The following SLC18B1 variants were observed in gnomAD, a reference collection of about 807,000 sequenced individuals.
SLC18B1 encodes the protein solute carrier family 18 member B1, also known as MFS-type transporter SLC18B1.
SLC18B1 carries 62 observed loss-of-function variants against 53.9 expected under a neutral mutation model. That is an observed-to-expected ratio of 1.15 (90% CI 0.94 to 1.42). SLC18B1 has a LOEUF of 1.42. Among genes scored for constraint, SLC18B1 ranks in the 40% most tolerant of loss-of-function variants. SLC18B1 has a pLI of 0.00. For missense variants in SLC18B1, 598 were observed against 547.3 expected (o/e 1.09, Z -0.93); for synonymous variants, 217 against 200.9 (o/e 1.08, Z -0.68).
At chr6:132,778,956 C>A (rs1781161216) in intron 7 of SLC18B1, among the ~76,000 whole-genome samples, 1 of 152,136 alleles carries the variant, frequency 6.6e-6, no homozygotes, top group African/African-American at 2.4e-5. Flanking sequence ...GCAATTCAAA[C>A]AAATAGAGGA....
chr6:132,786,687 A>T (rs1322442245), intron 5 of SLC18B1, among the ~76,000 whole-genome samples: 1 of 151,996 alleles, frequency 6.6e-6, no homozygotes, highest in African/African-American at 2.4e-5. Flanking sequence ...AGCTGATTAG[A>T]CTCTGAAGTC....
chr6:132,783,170 T>C (rs989493524), intron 6 of SLC18B1, among the ~76,000 whole-genome samples: 1 of 151,870 alleles, frequency 6.6e-6, no homozygotes, highest in Non-Finnish European at 1.5e-5. Flanking sequence ...TTTTTTTAAA[T>C]ACCAGTTTAT....
At chr6:132,780,486 G>A (rs1196638095) in intron 6 of SLC18B1, among the ~76,000 whole-genome samples, 1 of 151,048 alleles carries the variant, frequency 6.6e-6, no homozygotes, top group African/African-American at 2.4e-5. Context: ...TAAACATCAT[G>A]CAGTGTGGTT....
chr6:132,783,382 G>T (rs1434703242), intron 6 of SLC18B1, among the ~76,000 whole-genome samples: 1 of 152,142 alleles, frequency 6.6e-6, no homozygotes, highest in East Asian at 1.9e-4. Flanking sequence ...TCACCATGTT[G>T]GCAGGCTGGT....
chr6:132,792,225 CA>C lies in SLC18B1; in HGVS notation c.184-1954del, dbSNP rs1432524978. On this transcript the variant is annotated intron_variant, in intron 2 of 13. Coordinates refer to ENST00000275227, the MANE Select transcript of SLC18B1 (RefSeq NM_052831.3). The stretch of plus-strand genomic sequence containing the variant: ...CCTGGGTGACAGAGCAAGACACTGT[CA>C]GAAAGAAAGAAAGAAAGAAAGAAAG... 2.2e-4 allele frequency among the ~76,000 whole-genome samples: 10 copies of C among 44,580 alleles called. 1 individual carries two copies. The highest frequency in any genetic ancestry group is 1.9e-3 in the South Asian group (2 of 1,050). 29.2% of individuals were successfully genotyped at this position (44,580 alleles called of 152,430 possible). A position where few individuals can be genotyped will look rare whatever the true frequency, so the allele number is the denominator to read the frequency against.
chr6:132,777,498 G>T (rs917573995), intron 7 of SLC18B1, among the ~76,000 whole-genome samples: 1 of 152,214 alleles, frequency 6.6e-6, no homozygotes, highest in South Asian at 2.1e-4. Flanking sequence ...CAGATCATGA[G>T]GTCAGGAGAT....
intron 2 of SLC18B1, among the ~76,000 whole-genome samples, chr6:132,792,280 A>AAAGAAAGAAAGGAAGGAAGGAAGG (rs1554223267): frequency 4.5e-4 from 19 of 42,692 alleles, no homozygotes; most frequent in Non-Finnish European, 7.5e-4. Context: ...AGAAAGAAAG[A>AAAGAAAGAAAGGAAGGAAGGAAGG]AAGGAAGAAA....
At position 132,792,295 on chromosome 6, in the gene SLC18B1, G is replaced by A. The variant is rs1242702102; in HGVS notation, c.184-2023C>T. ...AGAAAGAAAGAAAGGAAGAAAGGAA[G>A]GAAGGAAGGAAGGAAGGAAGGAAGG... is the stretch of plus-strand genomic sequence containing the variant. On this transcript the variant is annotated intron_variant, in intron 2 of 13. Transcript: ENST00000275227. 1.7e-3 allele frequency among the ~76,000 whole-genome samples: 131 copies of A among 75,204 alleles called. 9 individuals carry two copies. The highest frequency in any genetic ancestry group is 0.01 in the African/African-American group (122 of 11,874). The allele number at this position is 75,204 out of a possible 152,430, so 49.3% of individuals were successfully genotyped here.
chr6:132,794,271 T>C (rs1351654012), intron 2 of SLC18B1, among the ~76,000 whole-genome samples: 1 of 151,418 alleles, frequency 6.6e-6, no homozygotes, highest in Non-Finnish European at 1.5e-5. Context: ...GCCTGGCTAA[T>C]TTTTGTATTT....
chr6:132,789,148 A>C (rs1398174757), intron 4 of SLC18B1, among the ~76,000 whole-genome samples: 1 of 152,104 alleles, frequency 6.6e-6, no homozygotes, highest in Non-Finnish European at 1.5e-5. Context: ...CTTTTTCTGG[A>C]AGTAGCAATG....
At chr6:132,792,681 C>T (rs1470531895) in intron 2 of SLC18B1, among the ~76,000 whole-genome samples, 3 of 152,180 alleles carry the variant, frequency 2.0e-5, no homozygotes, top group Non-Finnish European at 4.4e-5. Context: ...ACTACAGTTT[C>T]CATCATGTGC....
chr6:132,790,286 A>G lies in SLC18B1; in HGVS notation c.184-14T>C. The G allele has an allele frequency of 3.3e-6, 5 of 1,503,938 alleles. No individual in the cohort carries two copies. Among genetic ancestry groups the G allele is most frequent in the Non-Finnish European group, 4.5e-6 (5 of 1,123,508 alleles). 93.2% of individuals were successfully genotyped at this position (1,503,938 alleles called of 1,614,324 possible). On this transcript the variant is annotated splice_polypyrimidine_tract_variant and intron_variant, in intron 2 of 13. Transcript: ENST00000275227. ...CTTCTTTTCAGCCTTTAAGTAATAG[A>G]AACGGAAACAAAGTTTCAAAGAAAA...
chr6:132,793,911 C>T (rs1336565633), intron 2 of SLC18B1, among the ~76,000 whole-genome samples: 1 of 152,056 alleles, frequency 6.6e-6, no homozygotes, highest in Non-Finnish European at 1.5e-5. Flanking sequence ...CCTATAAGCA[C>T]AAAACTCAAT....
intron 11 of SLC18B1, among the ~76,000 whole-genome samples, chr6:132,771,408 T>C (rs1780971717): frequency 2.0e-5 from 3 of 152,230 alleles, no homozygotes; most frequent in Admixed American, 2.0e-4. Context: ...AAATTCTTTA[T>C]ATTATTCTAT....
At chr6:132,786,093 C>T (rs1443241190) in intron 5 of SLC18B1, among the ~76,000 whole-genome samples, 1 of 152,076 alleles carries the variant, frequency 6.6e-6, no homozygotes, top group Non-Finnish European at 1.5e-5. Flanking sequence ...ACTTGCTTAA[C>T]CATAAACCCT....
In SLC18B1 at chr6:132,792,091, G is replaced by A. The variant is rs937046143; in HGVS notation, c.184-1819C>T. On this transcript the variant is annotated intron_variant, in intron 2 of 13. Coordinates refer to ENST00000275227, the MANE Select transcript of SLC18B1 (RefSeq NM_052831.3). ...AAAAATACAAAAATTAGCCAGGTGTGGTGGCACGTGCCTGTAATCCCAGCT... is the reference window on the plus strand; with the variant it reads ...AAAAATACAAAAATTAGCCAGGTGTAGTGGCACGTGCCTGTAATCCCAGCT... Among the ~76,000 whole-genome samples, 9 of 151,410 alleles carry A rather than the reference G, an allele frequency of 5.9e-5. 1 individual carries two copies. In the East Asian group the frequency reaches 1.6e-3, roughly 26 times the overall value.
chr6:132,787,887 C>A (rs756167478), intron 4 of SLC18B1, among the ~76,000 whole-genome samples: 1 of 151,984 alleles, frequency 6.6e-6, no homozygotes, highest in South Asian at 2.1e-4. Context: ...ATCAGCTGGG[C>A]GCAGTGGCTC....
chr6:132,790,362 T>C, intron 2 of SLC18B1, 90 bp from the exon 3 acceptor site: 1 of 879,680 alleles, frequency 1.1e-6, no homozygotes. Flanking sequence ...ATCATCTTCT[T>C]GTGAACTTTA....
At chr6:132,797,175 T>G (rs943744602) in intron 1 of SLC18B1, 54 bp from the exon 2 acceptor site, 10 of 1,600,460 alleles carry the variant, frequency 6.2e-6, no homozygotes, top group South Asian at 2.2e-5. Flanking sequence ...CTGATTAAAG[T>G]ACACAAATGT....
Sources: allele counts gnomAD v4.1 joint callset (sites outside exome capture counted in the v4.1 genomes callset), GRCh38; gene constraint gnomAD v4.1.1; transcripts MANE v1.5; gene names NCBI Gene and HGNC (gene_info 2026-07-23, HGNC 2026-07-21).